The following CUL2 variants were observed in gnomAD, a reference collection of about 807,000 sequenced individuals.
CUL2 encodes the protein cullin 2.
CUL2 carries 22 observed loss-of-function variants against 110.2 expected under a neutral mutation model. That is an observed-to-expected ratio of 0.20 (90% CI 0.14 to 0.28). CUL2 has a LOEUF of 0.28. Ranked by LOEUF, CUL2 falls within the 10% of genes least tolerant of loss-of-function variation. CUL2 has a pLI of 1.00. For missense variants in CUL2, 631 were observed against 905.5 expected, an observed-to-expected ratio of 0.70 and a Z score of 3.89; for synonymous variants, 279 against 293.2, an observed-to-expected ratio of 0.95 and a Z score of 0.49.
chr10:35,032,551 G>C, intron 11 of CUL2, 57 bp from the exon 12 acceptor site: 1 of 1,359,166 alleles, frequency 7.4e-7, no homozygotes, highest in Non-Finnish European at 1.0e-6. Flanking sequence ...AGTACAGCTA[G>C]TTCAATATAA....
chr10:35,031,294 C>A lies in CUL2; in HGVS notation c.1386+6G>T. 1 of 1,551,074 alleles carries A rather than the reference C, an allele frequency of 6.4e-7. No individual in the cohort carries two copies. On this transcript the variant is annotated splice_donor_region_variant and intron_variant, in intron 14 of 20. Transcript: ENST00000374749. The surrounding 1 kb of genome is among the most constrained non-coding windows in gnomAD (Gnocchi z 4.4). ...AGGACAATACCACATTAAAGACTTACATTACCTTTAATTTGTTGATCATGG... is the reference window on the plus strand; with the variant it reads ...AGGACAATACCACATTAAAGACTTAAATTACCTTTAATTTGTTGATCATGG...
chr10:35,114,486 G>T (rs540558889), intron 1 of CUL2, among the ~76,000 whole-genome samples: 2 of 150,214 alleles, frequency 1.3e-5, no homozygotes, highest in African/African-American at 4.9e-5. Context: ...AGGTTCCAGC[G>T]ATTCTCCTGC....
chr10:35,107,308 G>A (rs575669925), intron 1 of CUL2, among the ~76,000 whole-genome samples: 1 of 152,134 alleles, frequency 6.6e-6, no homozygotes, highest in Non-Finnish European at 1.5e-5. Context: ...GAGTGATTAT[G>A]ATCTGAAAAA....
chr10:35,032,779 T>C (rs1011881162), intron 11 of CUL2, among the ~76,000 whole-genome samples: 1 of 152,156 alleles, frequency 6.6e-6, no homozygotes, highest in African/African-American at 2.4e-5. Flanking sequence ...CTTACAATCT[T>C]GTAAGCAGCT....
rs113681739 is a variant in CUL2 at position 35,098,729 on chromosome 10, G to A, written c.167+2115C>T. Among the ~76,000 whole-genome samples the A allele has an allele frequency of 3.6e-3, 554 of 151,958 alleles. 6 individuals carry two copies. Among genetic ancestry groups the A allele is most frequent in the African/African-American group, 0.013 (532 of 41,446 alleles). On this transcript the variant is annotated intron_variant, in intron 2 of 5. Coordinates refer to the CUL2 transcript ENST00000685421. ...GTGGATCACCTGAGGTCAGGAGTTC[G>A]AGACCAACCTGGCCAACATGGCGAA...
intron 1 of CUL2, among the ~76,000 whole-genome samples, chr10:35,104,307 A>G (rs192234648): frequency 2.0e-5 from 3 of 152,280 alleles, no homozygotes; most frequent in African/African-American, 7.2e-5. Flanking sequence ...TTAGCTAGAC[A>G]TGGTGTAGTG....
intron 1 of CUL2, among the ~76,000 whole-genome samples, chr10:35,080,433 TTTTATTTATTTA>T (rs139166454): frequency 2.2e-3 from 316 of 140,680 alleles, no homozygotes; most frequent in Middle Eastern, 3.6e-3. Flanking sequence ...GAATTCCTAT[TTTTATTTATTTA>T]TTTATTTATT....
chr10:35,062,255 A>G (rs953151138), intron 3 of CUL2, among the ~76,000 whole-genome samples: 7 of 152,224 alleles, frequency 4.6e-5, no homozygotes, highest in Admixed American at 3.9e-4. Context: ...CTGGTCACAG[A>G]GACAGCTTCT....
intron 1 of CUL2, among the ~76,000 whole-genome samples, chr10:35,086,269 GGAGAATTGTTTGAGC>G (rs1330932492): frequency 6.6e-6 from 1 of 152,048 alleles, no homozygotes; most frequent in Non-Finnish European, 1.5e-5. Context: ...GGCTGAGGTG[GGAGAATTGTTTGAGC>G]CCAGGAGTTC....
At chr10:35,069,889 C>T (rs532323807) in intron 2 of CUL2, among the ~76,000 whole-genome samples, 1 of 152,298 alleles carries the variant, frequency 6.6e-6, no homozygotes, top group South Asian at 2.1e-4. Context: ...AGTAGCAACA[C>T]TTTTTCAACT....
chr10:35,070,876 C>T (rs1195035274), intron 2 of CUL2, among the ~76,000 whole-genome samples: 2 of 152,098 alleles, frequency 1.3e-5, no homozygotes, highest in Non-Finnish European at 2.9e-5. Context: ...TTCTTGAAAG[C>T]AATGACATTA....
At chr10:35,094,873 A>C (rs918599391), upstream of CUL2, among the ~76,000 whole-genome samples, 1 of 152,216 alleles carries the variant, frequency 6.6e-6, no homozygotes, top group African/African-American at 2.4e-5. Flanking sequence ...TTTTAGCATT[A>C]GTTGGTCCTT....
chr10:35,009,991 T>TAAAAAAAAAA lies in CUL2; in HGVS notation c.*310_*319dup, dbSNP rs147061473. 7.2e-6 allele frequency: 1 copy of TAAAAAAAAAA among 138,370 alleles called. No homozygotes were observed. 8.6% of individuals were successfully genotyped at this position (138,370 alleles called of 1,614,324 possible). On this transcript the variant is annotated 3_prime_UTR_variant, in exon 21 of 21. Transcript: ENST00000374749. ...AAATTTTATGTCCTTTAAGATACATTAAAAAAAAAAAAAAAGACACATCAA... is the reference window on the plus strand; with the variant it reads ...AAATTTTATGTCCTTTAAGATACATTAAAAAAAAAAAAAAAAAAAAAAAAAGACACATCAA...
In CUL2 at chr10:35,075,635, AACACACACACACACACACAC is replaced by A. The variant is rs34714483; in HGVS notation, c.-22-4316_-22-4297del. 7.5e-3 allele frequency among the ~76,000 whole-genome samples: 1,063 copies of A among 140,992 alleles called. 7 individuals carry two copies. The highest frequency in any genetic ancestry group is 0.012 in the Non-Finnish European group (756 of 64,926). The allele number at this position is 140,992 out of a possible 152,430, so 92.5% of individuals were successfully genotyped here. The stretch of plus-strand genomic sequence containing the variant: ...GGCTAGGGCCACTTATGGGCCCTAA[AACACACACACACACACACAC>A]ACACACACACACACACACACACACA... On this transcript the variant is annotated intron_variant, in intron 1 of 20. Transcript: ENST00000374749.
At chr10:35,104,594 G>A (rs922627016) in intron 1 of CUL2, among the ~76,000 whole-genome samples, 1 of 151,962 alleles carries the variant, frequency 6.6e-6, no homozygotes, top group African/African-American at 2.4e-5. Context: ...TTAAGCATAG[G>A]GTAAATTTTA....
chr10:35,068,754 G>C (rs1211702896), intron 2 of CUL2, among the ~76,000 whole-genome samples: 1 of 152,108 alleles, frequency 6.6e-6, no homozygotes, highest in Non-Finnish European at 1.5e-5. Flanking sequence ...ACATTGTATG[G>C]CCCTTAAAAT....
intron 1 of CUL2, among the ~76,000 whole-genome samples, chr10:35,080,272 T>C (rs2086913108): frequency 6.6e-6 from 1 of 152,120 alleles, no homozygotes; most frequent in Non-Finnish European, 1.5e-5. Context: ...TTCATCTTGC[T>C]GTATCAAATG....
chr10:35,037,798 G>A (rs1189221765), intron 9 of CUL2, among the ~76,000 whole-genome samples: 3 of 151,996 alleles, frequency 2.0e-5, no homozygotes, highest in East Asian at 3.9e-4. Context: ...AACAGAGATC[G>A]CGCCACTGCA....
At chr10:35,042,333 C>T (rs553651545) in intron 8 of CUL2, among the ~76,000 whole-genome samples, 2 of 152,238 alleles carry the variant, frequency 1.3e-5, no homozygotes, top group South Asian at 2.1e-4. Flanking sequence ...TCATGTATAA[C>T]TTCAATTCTT....
Sources: gnomAD v4.1 joint callset for allele counts (sites outside exome capture counted in the v4.1 genomes callset) on GRCh38, gnomAD v4.1.1 for gene constraint, Gnocchi (gnomAD v3.1) non-coding constraint, MANE v1.5 for transcripts, NCBI Gene and HGNC (gene_info 2026-07-23, HGNC 2026-07-21) for gene names.